The following CACNA2D1 variants were observed in gnomAD, a reference collection of about 807,000 sequenced individuals.
CACNA2D1 encodes voltage-dependent calcium channel subunit alpha-2/delta-1.
Under a neutral mutation model 171.5 loss-of-function variants are expected in CACNA2D1, and 53 were observed. The ratio of observed to expected loss-of-function variants is 0.31; its 90% CI spans 0.25 to 0.39. The LOEUF (loss-of-function observed/expected upper bound fraction) is 0.39, where lower values mean the gene tolerates loss of function less well. Among genes scored for constraint, CACNA2D1 ranks in the 10% least tolerant of loss-of-function variants. CACNA2D1 has a pLI of 1.00. For synonymous variants in CACNA2D1, 442 were observed against 443.1 expected, an observed-to-expected ratio of 1.00 and a Z score of 0.03; for missense variants, 903 against 1,299.8, an observed-to-expected ratio of 0.69 and a Z score of 4.69.
intron 1 of CACNA2D1, among the ~76,000 whole-genome samples, chr7:82,406,431 T>C (rs1428223861): frequency 6.6e-6 from 1 of 152,216 alleles, no homozygotes; most frequent in Non-Finnish European, 1.5e-5. Flanking sequence ...CTGGGTCAAA[T>C]GGCATTTCTA....
chr7:82,033,597 C>G (rs1408114713), intron 11 of CACNA2D1, among the ~76,000 whole-genome samples: 1 of 152,014 alleles, frequency 6.6e-6, no homozygotes, highest in African/African-American at 2.4e-5. Context: ...CTCTTTTGTT[C>G]CTTTGTAAAT....
At chr7:82,358,707 T>A (rs1469374291) in intron 1 of CACNA2D1, among the ~76,000 whole-genome samples, 1 of 151,966 alleles carries the variant, frequency 6.6e-6, no homozygotes, top group East Asian at 1.9e-4. Flanking sequence ...TGTGCGTGCA[T>A]CTGTGTGAGT....
intron 1 of CACNA2D1, among the ~76,000 whole-genome samples, chr7:82,419,723 A>C (rs915973254): frequency 2.6e-5 from 4 of 152,218 alleles, no homozygotes; most frequent in Non-Finnish European, 2.9e-5. Flanking sequence ...CTTTAGCAAA[A>C]TGCAAACACC....
At chr7:81,981,065 T>G (rs1405481292) in intron 24 of CACNA2D1, among the ~76,000 whole-genome samples, 1 of 152,178 alleles carries the variant, frequency 6.6e-6, no homozygotes, top group African/African-American at 2.4e-5. Flanking sequence ...GCAATATCAA[T>G]GAAACACATA....
At position 82,066,523 on chromosome 7, in the gene CACNA2D1, A is replaced by G. The variant is rs555595565; in HGVS notation, c.660T>C (p.Ala220=). The change falls in exon 8 of 39, where the codon GCT becomes GCC. Residue 220 remains alanine, a splice_region_variant and synonymous_variant. Transcript: ENST00000356860. ...TTCTACTATTATCAACCCATGGTGA[A>G]GCTAAAAAAAAAAAAAAAAGAGAGA... ...SATGLARYYP[A]SPWVDNSRTP... 3.2e-6 allele frequency: 5 copies of G among 1,557,050 alleles called. No individual in the cohort carries two copies. The Admixed American group carries it at 5.5e-5, about 17-fold the overall frequency.
chr7:82,248,829 C>T (rs1805255957), intron 3 of CACNA2D1, among the ~76,000 whole-genome samples: 2 of 151,900 alleles, frequency 1.3e-5, no homozygotes, highest in African/African-American at 4.8e-5. Context: ...AAAAAATGCC[C>T]TCTTGCAGCT....
At chr7:82,263,542 G>A (rs985701346) in intron 3 of CACNA2D1, among the ~76,000 whole-genome samples, 1 of 152,070 alleles carries the variant, frequency 6.6e-6, no homozygotes, top group Non-Finnish European at 1.5e-5. Flanking sequence ...CCTATCCACA[G>A]AACTAACTCT....
intron 9 of CACNA2D1, among the ~76,000 whole-genome samples, chr7:82,061,455 G>A (rs1031241878): frequency 1.9e-4 from 29 of 152,256 alleles, no homozygotes; most frequent in Admixed American, 3.9e-4. Flanking sequence ...ACAGGTGAAA[G>A]TTCTAGAAAC....
Position 82,014,476 on chromosome 7 carries a change from G to A in CACNA2D1, c.1147C>T (p.Arg383Cys). Residue 383 changes from arginine (R) to cysteine (C), a missense_variant, in exon 13 of 39, where the codon CGT becomes TGT. Arg to Cys is a radical substitution (Grantham distance 180). Around this residue, in one of 5 missense-constraint regions of CACNA2D1, gnomAD observed 623 missense variants for 925.5 expected, o/e 0.67. Transcript: ENST00000356860. ...TGACCAACTGAAAACGTGAATACAC[G>A]TACCTGGATGAATTGAAAAATAGGT... ...FNKYNKDKKV[R>C]VFTFSVGQHN... 1 of 1,547,894 alleles carries A rather than the reference G, an allele frequency of 6.5e-7. No individual in the cohort carries two copies. The highest frequency in any genetic ancestry group is 2.2e-5 in the East Asian group (1 of 44,498).
intron 1 of CACNA2D1, among the ~76,000 whole-genome samples, chr7:82,412,563 G>A (rs1330955194): frequency 2.6e-5 from 4 of 151,900 alleles, no homozygotes; most frequent in South Asian, 4.1e-4. Flanking sequence ...GATTACAGGC[G>A]TGAGCCACTG....
intron 3 of CACNA2D1, among the ~76,000 whole-genome samples, chr7:82,212,909 T>A (rs1800716673): frequency 6.6e-6 from 1 of 152,002 alleles, no homozygotes; most frequent in African/African-American, 2.4e-5. Flanking sequence ...AGTTCTTTTT[T>A]TTTTTTTCTG....
chr7:82,021,369 T>C (rs1424445162), intron 12 of CACNA2D1, among the ~76,000 whole-genome samples: 2 of 152,092 alleles, frequency 1.3e-5, no homozygotes, highest in East Asian at 1.9e-4. Flanking sequence ...TAAACGGAAG[T>C]GTTCCCTACT....
intron 3 of CACNA2D1, among the ~76,000 whole-genome samples, chr7:82,247,440 G>A (rs1291028608): frequency 1.3e-5 from 2 of 151,962 alleles, no homozygotes; most frequent in African/African-American, 4.8e-5. Flanking sequence ...AACCCAGCAG[G>A]TGGGGGCTGC....
intron 3 of CACNA2D1, among the ~76,000 whole-genome samples, chr7:82,225,596 C>T (rs1802274370): frequency 6.6e-6 from 1 of 152,146 alleles, no homozygotes; most frequent in African/African-American, 2.4e-5. Flanking sequence ...TGGCATGAAT[C>T]ATTGATATTT....
intron 3 of CACNA2D1, among the ~76,000 whole-genome samples, chr7:82,185,268 A>AT (rs566927926): frequency 8.6e-5 from 13 of 150,706 alleles, no homozygotes; most frequent in South Asian, 4.2e-4. Context: ...TACATCTGGT[A>AT]TTTTTTTTGT....
chr7:82,286,037 C>G (rs1023885329), intron 3 of CACNA2D1, among the ~76,000 whole-genome samples: 1 of 152,150 alleles, frequency 6.6e-6, no homozygotes, highest in Admixed American at 6.5e-5. Flanking sequence ...GTCTCTTCTT[C>G]CTCTCTGTCT....
chr7:82,117,123 G>GA lies in CACNA2D1; in HGVS notation c.446dup (p.Ile150HisfsTer2). 6.2e-7 allele frequency: 1 copy of GA among 1,613,782 alleles called. No individual in the cohort carries two copies. Among genetic ancestry groups the GA allele is most frequent in the Non-Finnish European group, 8.5e-7 (1 of 1,179,826 alleles). On this transcript the variant is annotated frameshift_variant, in exon 6 of 39. Coordinates refer to ENST00000356860, the MANE Select transcript of CACNA2D1 (RefSeq NM_000722.4). LOFTEE classifies it high-confidence loss of function. ...GTCGTCCAAAATTAGCATCTTCAATGAAAACAGGTTTTATCCTCTGGCTGC... is the reference window on the plus strand; with the variant it reads ...GTCGTCCAAAATTAGCATCTTCAATGAAAAACAGGTTTTATCCTCTGGCTGC...
chr7:82,174,492 TC>T (rs1796365117), intron 3 of CACNA2D1, among the ~76,000 whole-genome samples: 1 of 151,994 alleles, frequency 6.6e-6, no homozygotes, highest in Admixed American at 6.6e-5. Flanking sequence ...AAATAGAAAA[TC>T]ACTATAAAGG....
chr7:81,976,718 G>T (rs1191990022), intron 24 of CACNA2D1, among the ~76,000 whole-genome samples: 1 of 152,192 alleles, frequency 6.6e-6, no homozygotes, highest in South Asian at 2.1e-4. Context: ...GCCAGGCATG[G>T]TGGTGGGCAC....
Sources: allele counts gnomAD v4.1 joint callset (sites outside exome capture counted in the v4.1 genomes callset), GRCh38; gene constraint gnomAD v4.1.1; regional missense constraint gnomAD v4.1.1; transcripts MANE v1.5; gene names NCBI Gene and HGNC (gene_info 2026-07-23, HGNC 2026-07-21).